Variants in SLC22A7 observed in about 807,000 individuals in gnomAD.
SLC22A7 encodes the protein hOAT2.
In SLC22A7, 48 loss-of-function variants were observed where a neutral mutation model predicts 62.2. The observed-to-expected ratio is 0.77, with a 90% CI of 0.61 to 0.98. The LOEUF (loss-of-function observed/expected upper bound fraction) is 0.98, where lower values mean the gene tolerates loss of function less well. Ranked by LOEUF, SLC22A7 falls within the 50% of genes least tolerant of loss-of-function variation. SLC22A7 has a pLI of 0.00. For synonymous variants in SLC22A7, 276 were observed against 314.8 expected, an observed-to-expected ratio of 0.88 and a Z score of 1.30; for missense variants, 581 against 703.8, an observed-to-expected ratio of 0.83 and a Z score of 1.97.
Position 43,299,195 on chromosome 6 carries a change from C to A in SLC22A7, c.399+98C>A. The A allele has an allele frequency of 6.2e-7, 1 of 1,614,086 alleles. No individual in the cohort carries two copies. The highest frequency in any genetic ancestry group is 2.2e-5 in the East Asian group (1 of 44,886). ...GGCCTTCCTTGGGAAGAAGCTGAGG[C>A]TGCAGGACTGGGGAGGGACAAAGTT... On this transcript the variant is annotated intron_variant, in intron 2 of 10. Coordinates refer to ENST00000372585, the MANE Select transcript of SLC22A7 (RefSeq NM_153320.2). The surrounding 1 kb of genome is among the most constrained non-coding windows in gnomAD (Gnocchi z 4.4).
chr6:43,301,418 G>A (rs1778742311), intron 6 of SLC22A7, 160 bp downstream of exon 6: 5 of 1,145,638 alleles, frequency 4.4e-6, no homozygotes, highest in Non-Finnish European at 6.3e-6. Flanking sequence ...TGGCTCCAGT[G>A]GGCCACATCC....
At chr6:43,300,109 G>C in intron 5 of SLC22A7, 43 bp downstream of exon 5, 1 of 1,595,242 alleles carries the variant, frequency 6.3e-7, no homozygotes, top group South Asian at 1.1e-5. Context: ...TACAGGAAGT[G>C]AAAGATGAGA....
upstream of SLC22A7, among the ~76,000 whole-genome samples, chr6:43,296,652 C>A (rs1778570432): frequency 6.6e-6 from 1 of 152,086 alleles, no homozygotes; most frequent in Non-Finnish European, 1.5e-5. Flanking sequence ...GCCACATTGT[C>A]CAAGGGACCA....
upstream of SLC22A7, among the ~76,000 whole-genome samples, chr6:43,297,291 G>A (rs1167026025): frequency 2.0e-5 from 3 of 152,194 alleles, no homozygotes; most frequent in African/African-American, 7.2e-5. Flanking sequence ...GAGTCATTGT[G>A]TGACCCCAGC....
At chr6:43,303,484 AAAT>A (rs57761051) in intron 9 of SLC22A7, among the ~76,000 whole-genome samples, 7 of 147,910 alleles carry the variant, frequency 4.7e-5, no homozygotes, top group South Asian at 4.3e-4. Context: ...GAAAAAAATT[AAAT>A]AATAATAATA....
Position 43,299,241 on chromosome 6 carries a change from T to A in SLC22A7, c.399+144T>A. The A allele has an allele frequency of 6.2e-7, 1 of 1,610,518 alleles. No homozygotes were observed. Among genetic ancestry groups the A allele is most frequent in the Non-Finnish European group, 8.5e-7 (1 of 1,178,214 alleles). ...AAGTTTCCTATTCCCCAAGCTGGCGTGAATCGTTGGGAGGTTTATTATCTG... is the reference window on the plus strand; with the variant it reads ...AAGTTTCCTATTCCCCAAGCTGGCGAGAATCGTTGGGAGGTTTATTATCTG... On this transcript the variant is annotated intron_variant, in intron 2 of 10. Transcript: ENST00000372585. This position sits in a 1 kb window ranked among gnomAD's most constrained non-coding sequence, Gnocchi z 4.4.
At position 43,299,269 on chromosome 6, in the gene SLC22A7, A is replaced by G; in HGVS notation, c.400-121A>G. 1 of 1,603,564 alleles carries G rather than the reference A, an allele frequency of 6.2e-7. No individual in the cohort carries two copies. The highest frequency in any genetic ancestry group is 1.1e-5 in the South Asian group (1 of 89,786). ...ATCGTTGGGAGGTTTATTATCTGGC[A>G]TGGAGGTACCAGAATGGCAGAGTTC... On this transcript the variant is annotated intron_variant, in intron 2 of 10. Coordinates refer to ENST00000372585, the MANE Select transcript of SLC22A7 (RefSeq NM_153320.2). The surrounding 1 kb of genome is among the most constrained non-coding windows in gnomAD (Gnocchi z 4.4).
rs201193054 is a variant in SLC22A7 at position 43,302,179 on chromosome 6, T to C, written c.1062-21T>C. On this transcript the variant is annotated intron_variant, in intron 7 of 10. Transcript: ENST00000372585. The surrounding 1 kb of genome is among the most constrained non-coding windows in gnomAD (Gnocchi z 5.0). ...GGGATGGGAAGGAGGGTCCGCCAAGTGGCACTGAGACTCCTTTCAGGTTCG... is the reference window on the plus strand; with the variant it reads ...GGGATGGGAAGGAGGGTCCGCCAAGCGGCACTGAGACTCCTTTCAGGTTCG... 3.9e-6 allele frequency: 6 copies of C among 1,543,976 alleles called. No homozygotes were observed. The highest frequency in any genetic ancestry group is 5.3e-6 in the Non-Finnish European group (6 of 1,138,788).
In SLC22A7 at chr6:43,302,074, C is replaced by T. The variant is rs188754343; in HGVS notation, c.1062-126C>T. 1.0e-4 allele frequency: 81 copies of T among 812,720 alleles called. No individual in the cohort carries two copies. The highest frequency in any genetic ancestry group is 7.2e-4 in the African/African-American group (42 of 58,106). The allele number at this position is 812,720 out of a possible 1,614,324, so 50.3% of individuals were successfully genotyped here. ...TTATGGATGTCAGGGAAGGTCCTGG[C>T]GGGGGGACCGGGGGTTGCAGAGACA... On this transcript the variant is annotated intron_variant, in intron 7 of 10. Coordinates refer to ENST00000372585, the MANE Select transcript of SLC22A7 (RefSeq NM_153320.2). The surrounding 1 kb of genome is among the most constrained non-coding windows in gnomAD (Gnocchi z 5.0).
At chr6:43,297,108 G>A (rs1778580637), upstream of SLC22A7, among the ~76,000 whole-genome samples, 1 of 152,128 alleles carries the variant, frequency 6.6e-6, no homozygotes, top group African/African-American at 2.4e-5. Flanking sequence ...CTCCATGGCT[G>A]TCAGCACCCC....
rs1375906598 is a variant in SLC22A7 at position 43,302,620 on chromosome 6, A to G, written c.1277-35A>G. 1 of 1,494,288 alleles carries G rather than the reference A, an allele frequency of 6.7e-7. No homozygotes were observed. Among genetic ancestry groups the G allele is most frequent in the African/African-American group, 1.4e-5 (1 of 72,636 alleles). 92.6% of individuals were successfully genotyped at this position (1,494,288 alleles called of 1,614,324 possible). On this transcript the variant is annotated intron_variant, in intron 8 of 10. Coordinates refer to ENST00000372585, the MANE Select transcript of SLC22A7 (RefSeq NM_153320.2). The surrounding 1 kb of genome is among the most constrained non-coding windows in gnomAD (Gnocchi z 5.0). ...CCAGAACACCCCTGGCTCTCCTCCA[A>G]GGCCCTCTCACTACCTGAACCCGCT...
chr6:43,300,280 TAC>T (rs1778693620), intron 5 of SLC22A7: 1 of 602,178 alleles, frequency 1.7e-6, no homozygotes, highest in East Asian at 2.8e-5. Context: ...GAGAACAAGA[TAC>T]AGAGAGTCAG....
intron 9 of SLC22A7, chr6:43,303,170 C>G (rs1216368188): frequency 2.0e-6 from 2 of 985,214 alleles, no homozygotes; most frequent in East Asian, 2.3e-4. Flanking sequence ...CTTAAGAAAA[C>G]AACCCCAAGG....
chr6:43,300,388 G>C (rs557135762), intron 5 of SLC22A7, among the ~76,000 whole-genome samples: 5 of 152,236 alleles, frequency 3.3e-5, no homozygotes, highest in African/African-American at 1.2e-4. Context: ...TCAGGCCGGA[G>C]AGTGGGAGGA....
At chr6:43,303,965 G>A (rs1307860288) in intron 9 of SLC22A7, 73 bp from the exon 10 acceptor site, 2 of 1,273,716 alleles carry the variant, frequency 1.6e-6, no homozygotes, top group East Asian at 2.7e-5. Flanking sequence ...AGCCCTGGAG[G>A]GAAGCCCTGT....
Position 43,302,529 on chromosome 6 carries a change from C to A in SLC22A7, c.1276+115C>A. 1 of 1,200,452 alleles carries A rather than the reference C, an allele frequency of 8.3e-7. No homozygotes were observed. The highest frequency in any genetic ancestry group is 1.2e-6 in the Non-Finnish European group (1 of 852,650). 74.4% of individuals were successfully genotyped at this position (1,200,452 alleles called of 1,614,324 possible). A position where few individuals can be genotyped will look rare whatever the true frequency, so the allele number is the denominator to read the frequency against. ...CCCACTCCTCCCCCAGATCCCTGCT[C>A]TTACCCAGTGAGCTCAGACTCTCCA... On this transcript the variant is annotated intron_variant, in intron 8 of 10. Transcript: ENST00000372585. This position sits in a 1 kb window ranked among gnomAD's most constrained non-coding sequence, Gnocchi z 5.0.
rs1778867481 is a variant in SLC22A7 at position 43,304,373 on chromosome 6, G to A, written c.1592+129G>A. 12 of 826,698 alleles carry A rather than the reference G, an allele frequency of 1.5e-5. No individual in the cohort carries two copies. The Admixed American group carries it at 3.2e-4, about 22-fold the overall frequency. The allele number at this position is 826,698 out of a possible 1,614,324, so 51.2% of individuals were successfully genotyped here. ...ACATGTGTACTTGGTGCATGTATGT[G>A]TGCGTGCACAGGTGAGTGTTTCAGG... On this transcript the variant is annotated intron_variant, in intron 10 of 10. Coordinates refer to ENST00000372585, the MANE Select transcript of SLC22A7 (RefSeq NM_153320.2).
At chr6:43,304,404 T>C (rs1411370561) in intron 10 of SLC22A7, 160 bp downstream of exon 10, 2 of 655,248 alleles carry the variant, frequency 3.1e-6, no homozygotes, top group South Asian at 2.3e-5. Flanking sequence ...TCAGGGTGCA[T>C]GATTGGGGGC....
In SLC22A7 at chr6:43,298,765, G is replaced by A; in HGVS notation, c.393+14G>A. 1 of 1,506,210 alleles carries A rather than the reference G, an allele frequency of 6.6e-7. No homozygotes were observed. The highest frequency in any genetic ancestry group is 8.9e-7 in the Non-Finnish European group (1 of 1,123,696). The allele number at this position is 1,506,210 out of a possible 1,614,324, so 93.3% of individuals were successfully genotyped here. A position where few individuals can be genotyped will look rare whatever the true frequency, so the allele number is the denominator to read the frequency against. ...ATTGCAACTGAGGTACTTAAGCCCA[G>A]AAGTTGAGAGACATGTGAGAGGGAT... On this transcript the variant is annotated intron_variant, in intron 1 of 10. Coordinates refer to ENST00000372585, the MANE Select transcript of SLC22A7 (RefSeq NM_153320.2).
Sources: gnomAD v4.1 joint callset for allele counts (sites outside exome capture counted in the v4.1 genomes callset) on GRCh38, gnomAD v4.1.1 for gene constraint, Gnocchi (gnomAD v3.1) non-coding constraint, MANE v1.5 for transcripts, NCBI Gene and HGNC (gene_info 2026-07-23, HGNC 2026-07-21) for gene names.